Variants in SPECC1 observed in about 807,000 individuals in gnomAD.
SPECC1 encodes cytospin-B.
A neutral mutation model predicts 104.1 loss-of-function variants in SPECC1; 62 were observed. The ratio of observed to expected loss-of-function variants is 0.60; its 90% CI spans 0.49 to 0.74. The LOEUF (loss-of-function observed/expected upper bound fraction) is 0.74. Among genes scored for constraint, SPECC1 ranks in the 30% least tolerant of loss-of-function variants. The probability of loss-of-function intolerance (pLI) is 0.00; values close to 1 mark genes in which losing one functional copy is unlikely to be tolerated. For synonymous variants in SPECC1, 513 were observed against 501.6 expected (o/e 1.02, Z -0.30); for missense variants, 1,306 against 1,310.5 (o/e 1.00, Z 0.05).
At chr17:20,083,154 A>C (rs1407915935) in intron 1 of SPECC1, among the ~76,000 whole-genome samples, 1 of 152,180 alleles carries the variant, frequency 6.6e-6, no homozygotes, top group Non-Finnish European at 1.5e-5. Flanking sequence ...AAATTTCTGA[A>C]CACTTCTCAT....
chr17:20,305,969 A>G, intron 13 of SPECC1, 54 bp from the exon 14 acceptor site: 3 of 1,521,482 alleles, frequency 2.0e-6, no homozygotes, highest in Non-Finnish European at 2.7e-6. Context: ...CTTTCCTGGC[A>G]AAAGCTATAT....
Position 20,205,519 on chromosome 17 carries a change from G to C in SPECC1, c.1470G>C (p.Gln490His). The part of the protein sequence containing the change: ...EREKLLNIQQ[Q>H]LTCSLRKVEE... ...AGAAGCTACTCAACATTCAGCAGCAGTTGACCTGTAGCTTGCGGAAGGTTG... is the reference window on the plus strand; with the variant it reads ...AGAAGCTACTCAACATTCAGCAGCACTTGACCTGTAGCTTGCGGAAGGTTG... The change falls in exon 4 of 15, where the codon CAG (glutamine) becomes CAC (histidine). Residue 490 changes from glutamine (Q) to histidine (H), a missense_variant. Physicochemically the swap from Gln to His is conservative, Grantham distance 24 (BLOSUM62 0). This residue lies in a region of SPECC1 where 1,177 missense variants were observed against 1,139.9 expected (regional missense o/e 1.03). Coordinates refer to ENST00000395527, the MANE Select transcript of SPECC1 (RefSeq NM_001243439.2). 1 of 1,614,190 alleles carries C rather than the reference G, an allele frequency of 6.2e-7. No individual in the cohort carries two copies. The highest frequency in any genetic ancestry group is 2.2e-5 in the East Asian group (1 of 44,884).
chr17:20,123,828 C>T (rs916071674), intron 3 of SPECC1, among the ~76,000 whole-genome samples: 5 of 152,212 alleles, frequency 3.3e-5, no homozygotes, highest in African/African-American at 9.7e-5. Flanking sequence ...TGAATATGGT[C>T]TCCTTTAGTC....
chr17:20,030,797 G>C (rs2044777934), intron 1 of SPECC1, among the ~76,000 whole-genome samples: 1 of 151,900 alleles, frequency 6.6e-6, no homozygotes, highest in South Asian at 2.1e-4. Context: ...TGTTTCTCTG[G>C]GATGTCTTTA....
intron 12 of SPECC1, among the ~76,000 whole-genome samples, chr17:20,265,501 T>C (rs553877038): frequency 6.6e-6 from 1 of 152,302 alleles, no homozygotes; most frequent in African/African-American, 2.4e-5. Flanking sequence ...TTCTGGATAT[T>C]AGATGCATAG....
chr17:20,232,827 A>G (rs758689816), intron 7 of SPECC1, among the ~76,000 whole-genome samples: 4 of 152,212 alleles, frequency 2.6e-5, no homozygotes, highest in African/African-American at 9.6e-5. Context: ...AGAAGGACAC[A>G]TTCCTCTGGG....
intron 12 of SPECC1, among the ~76,000 whole-genome samples, chr17:20,279,412 C>T (rs11654942): frequency 0.42 from 63,682 of 150,168 alleles, 14,103 homozygotes; most frequent in East Asian, 0.8. Flanking sequence ...AACCTCTGCC[C>T]CCTGGGTTCA....
At chr17:20,304,382 T>A (rs1016307314) in intron 13 of SPECC1, among the ~76,000 whole-genome samples, 10 of 152,142 alleles carry the variant, frequency 6.6e-5, no homozygotes, top group Non-Finnish European at 1.2e-4. Flanking sequence ...TTAATTTTAA[T>A]ATAATCCTAA....
chr17:20,306,335 C>A (rs965860188), intron 14 of SPECC1, among the ~76,000 whole-genome samples: 6 of 152,060 alleles, frequency 3.9e-5, no homozygotes, highest in African/African-American at 1.4e-4. Flanking sequence ...ATTATTAGAG[C>A]CCTCTTGTTC....
At chr17:20,238,987 C>G (rs1427269806) in intron 7 of SPECC1, 1 of 1,037,068 alleles carries the variant, frequency 9.6e-7, no homozygotes, top group Non-Finnish European at 1.2e-6. Flanking sequence ...TTCAGAACTT[C>G]AAAGTCACAT....
intron 12 of SPECC1, among the ~76,000 whole-genome samples, chr17:20,269,854 C>A (rs1004598189): frequency 4.6e-5 from 7 of 152,194 alleles, no homozygotes; most frequent in African/African-American, 1.4e-4. Flanking sequence ...CTGTGAATAG[C>A]CGTGGCCATG....
chr17:20,286,907 G>A (rs551679363), intron 12 of SPECC1, among the ~76,000 whole-genome samples: 7 of 152,208 alleles, frequency 4.6e-5, no homozygotes, highest in East Asian at 1.9e-4. Flanking sequence ...CAACCCCCAC[G>A]AACTGGCCCC....
At chr17:20,234,460 A>G (rs1466595428) in intron 7 of SPECC1, among the ~76,000 whole-genome samples, 2 of 152,204 alleles carry the variant, frequency 1.3e-5, no homozygotes, top group Non-Finnish European at 2.9e-5. Flanking sequence ...CTGGTGGTTC[A>G]GCCACTTCCA....
chr17:20,317,259 A>ATTTT lies in SPECC1; in HGVS notation c.*3212_*3215dup, dbSNP rs762643888. ...GCAAGACCTCTGACTCTATAAAAAA[A>ATTTT]TTTTTTTTTTTTTTTTTTTTTGAGA... On this transcript the variant is annotated 3_prime_UTR_variant, in exon 15 of 15. Transcript: ENST00000395527. 19 of 69,678 alleles carry ATTTT rather than the reference A, an allele frequency of 2.7e-4. 1 individual carries two copies. The highest frequency in any genetic ancestry group is 7.9e-4 in the East Asian group (1 of 1,262). The allele number at this position is 69,678 out of a possible 1,614,324, so 4.3% of individuals were successfully genotyped here. A position where few individuals can be genotyped will look rare whatever the true frequency, so the allele number is the denominator to read the frequency against.
At chr17:20,219,552 A>T (rs1200707400) in intron 4 of SPECC1, among the ~76,000 whole-genome samples, 1 of 152,082 alleles carries the variant, frequency 6.6e-6, no homozygotes, top group Non-Finnish European at 1.5e-5. Context: ...GAATTGTTTA[A>T]GCTCCTTATA....
intron 1 of SPECC1, among the ~76,000 whole-genome samples, chr17:20,089,478 A>T (rs1214935155): frequency 2.6e-5 from 4 of 151,450 alleles, no homozygotes; most frequent in African/African-American, 7.3e-5. Context: ...AAAAAAAAAA[A>T]TTAGCCAGGC....
rs545231314 is a variant in SPECC1 at position 20,156,284 on chromosome 17, C to A, written c.283+45722C>A. On this transcript the variant is annotated intron_variant, in intron 3 of 14. Transcript: ENST00000395527. ...GCGCCGCAGCCGCAACCCCACCCCCCCTCCAGGCGCCCTTCCCCCACCGCC... is the reference window on the plus strand; with the variant it reads ...GCGCCGCAGCCGCAACCCCACCCCCACTCCAGGCGCCCTTCCCCCACCGCC... 1.6e-4 allele frequency: 202 copies of A among 1,293,452 alleles called. 1 individual carries two copies. In the East Asian group the frequency reaches 3.6e-3, roughly 23 times the overall value. 80.1% of individuals were successfully genotyped at this position (1,293,452 alleles called of 1,614,324 possible). A position where few individuals can be genotyped will look rare whatever the true frequency, so the allele number is the denominator to read the frequency against.
chr17:20,036,940 C>T (rs2045111656), intron 1 of SPECC1, among the ~76,000 whole-genome samples: 1 of 152,132 alleles, frequency 6.6e-6, no homozygotes, highest in South Asian at 2.1e-4. Context: ...TAGCTGTAAG[C>T]TTTTGTAGTC....
At position 20,110,644 on chromosome 17, in the gene SPECC1, A is replaced by C. The variant is rs1172855274; in HGVS notation, c.283+82A>C. On this transcript the variant is annotated intron_variant, in intron 3 of 14. Coordinates refer to ENST00000395527, the MANE Select transcript of SPECC1 (RefSeq NM_001243439.2). ...CACTTCAGTGACCCATGACCCATCC[A>C]TTCCTTCCCTCGTGAAATATTTCTT... The C allele has an allele frequency of 1.1e-5, 16 of 1,400,552 alleles. No homozygotes were observed. In the South Asian group the frequency reaches 1.6e-4, roughly 14 times the overall value. The allele number at this position is 1,400,552 out of a possible 1,614,324, so 86.8% of individuals were successfully genotyped here. A position where few individuals can be genotyped will look rare whatever the true frequency, so the allele number is the denominator to read the frequency against.
Sources: allele counts gnomAD v4.1 joint callset (sites outside exome capture counted in the v4.1 genomes callset), GRCh38; gene constraint gnomAD v4.1.1; regional missense constraint gnomAD v4.1.1; transcripts MANE v1.5; gene names NCBI Gene and HGNC (gene_info 2026-07-23, HGNC 2026-07-21).